SAMD5: variants seen among roughly 807,000 people sequenced by gnomAD.
The protein encoded by SAMD5 is sterile alpha motif domain containing 5, also known as sterile alpha motif domain-containing protein 5.
A neutral mutation model predicts 11.3 loss-of-function variants in SAMD5; 13 were observed. The ratio of observed to expected loss-of-function variants is 1.15; its 90% CI spans 0.75 to 1.83. SAMD5 has a LOEUF of 1.83. SAMD5 is among the 40% of genes most tolerant of loss of function. SAMD5 has a pLI of 0.00. For missense variants in SAMD5, 255 were observed against 239.1 expected (o/e 1.07, Z -0.44); for synonymous variants, 129 against 111.3 (o/e 1.16, Z -1.00).
chr6:147,812,944 T>A, the SAMD5 span, among the ~76,000 whole-genome samples: 1 of 152,250 alleles, frequency 6.6e-6, no homozygotes, highest in Non-Finnish European at 1.5e-5. Context: ...ATTAAAATGA[T>A]TGGCTTCACA....
At chr6:147,789,895 A>G in the SAMD5 span, among the ~76,000 whole-genome samples, 4 of 152,228 alleles carry the variant, frequency 2.6e-5, no homozygotes, top group African/African-American at 7.2e-5. Flanking sequence ...GGGTACCACA[A>G]CACATCTATT....
At chr6:147,780,300 T>G in the SAMD5 span, among the ~76,000 whole-genome samples, 1 of 152,034 alleles carries the variant, frequency 6.6e-6, no homozygotes, top group Non-Finnish European at 1.5e-5. Context: ...GTCTGCCTCC[T>G]GAGTTCAAGC....
At chr6:147,625,354 A>G (rs1044461732) in intron 1 of SAMD5, among the ~76,000 whole-genome samples, 1 of 152,174 alleles carries the variant, frequency 6.6e-6, no homozygotes, top group Non-Finnish European at 1.5e-5. Context: ...GGAGGGACTC[A>G]TGTTTCATTT....
intron 1 of SAMD5, among the ~76,000 whole-genome samples, chr6:147,626,791 G>GGAAAAAAAAAAAAAA (rs1491388774): frequency 1.8e-5 from 1 of 54,718 alleles, no homozygotes; most frequent in African/African-American, 5.4e-5. Context: ...CTGTTTCTAT[G>GGAAAAAAAAAAAAAA]AAAAAAAAAA....
At chr6:147,750,026 C>T in the SAMD5 span, among the ~76,000 whole-genome samples, 1 of 152,124 alleles carries the variant, frequency 6.6e-6, no homozygotes, top group South Asian at 2.1e-4. Flanking sequence ...CCTCATGAGC[C>T]AGAAACTGGT....
the SAMD5 span, among the ~76,000 whole-genome samples, chr6:147,854,824 T>C: frequency 6.6e-6 from 1 of 152,308 alleles, no homozygotes; most frequent in South Asian, 2.1e-4. Context: ...TAGTATTTAC[T>C]CAACAGATTT....
At chr6:147,760,457 C>A in the SAMD5 span, among the ~76,000 whole-genome samples, 1 of 151,990 alleles carries the variant, frequency 6.6e-6, no homozygotes, top group Non-Finnish European at 1.5e-5. Flanking sequence ...ACAAATTCAG[C>A]AAACCAACTT....
chr6:147,940,720 T>C, the SAMD5 span, among the ~76,000 whole-genome samples: 87 of 152,256 alleles, frequency 5.7e-4, no homozygotes, highest in African/African-American at 1.6e-3. Context: ...CCCAGTACTT[T>C]GGGAGGCCAA....
chr6:147,620,285 G>A (rs1433200081), intron 1 of SAMD5, among the ~76,000 whole-genome samples: 1 of 152,120 alleles, frequency 6.6e-6, no homozygotes, highest in Non-Finnish European at 1.5e-5. Context: ...CCATCCATGG[G>A]ATGATTCTTG....
At chr6:147,685,103 T>G (rs571547536) in intron 1 of SAMD5, among the ~76,000 whole-genome samples, 1 of 152,360 alleles carries the variant, frequency 6.6e-6, no homozygotes, top group Non-Finnish European at 1.5e-5. Flanking sequence ...ATTGTCATAC[T>G]CCTTTCTAAG....
At chr6:147,904,442 T>A in the SAMD5 span, among the ~76,000 whole-genome samples, 83 of 152,332 alleles carry the variant, frequency 5.4e-4, no homozygotes, top group African/African-American at 1.8e-3. Flanking sequence ...ACGAACTTCA[T>A]GGAACACAGC....
chr6:147,623,956 G>A (rs1243478513), intron 1 of SAMD5, among the ~76,000 whole-genome samples: 2 of 152,022 alleles, frequency 1.3e-5, no homozygotes, highest in African/African-American at 4.8e-5. Flanking sequence ...TGCAACCTCT[G>A]CCTCCCAGGT....
intron 1 of SAMD5, among the ~76,000 whole-genome samples, chr6:147,522,982 G>C (rs1788277278): frequency 6.6e-6 from 1 of 152,176 alleles, no homozygotes; most frequent in South Asian, 2.1e-4. Flanking sequence ...TCACAGTAAA[G>C]AGGGGCTTTT....
Position 147,711,345 on chromosome 6 carries a change from T to C in SAMD5, c.163-25972T>C, listed in dbSNP as rs186231114. ...TGCCTGATCCCCCAACCTGACCCTGTGCTCCCTGTCCCATTTCTAGCCATA... is the reference window on the plus strand; with the variant it reads ...TGCCTGATCCCCCAACCTGACCCTGCGCTCCCTGTCCCATTTCTAGCCATA... On this transcript the variant is annotated intron_variant, in intron 1 of 1. Transcript: ENST00000566741. The surrounding 1 kb of genome is among the most constrained non-coding windows in gnomAD (Gnocchi z 4.1). Among the ~76,000 whole-genome samples, 665 of 152,264 alleles carry C rather than the reference T, an allele frequency of 4.4e-3. 2 individuals are homozygous for C. Among genetic ancestry groups the C allele is most frequent in the Non-Finnish European group, 7.5e-3 (510 of 68,012 alleles).
chr6:147,509,189 C>T lies in SAMD5; in HGVS notation c.261C>T (p.Ala87=). Reference sequence around the variant, plus strand: ...AGCCGGCGCCCCCCGGGCCGCCCGCCGACGCCGTCCCCACCGGCCGCCGGG... The same window carrying T: ...AGCCGGCGCCCCCCGGGCCGCCCGCTGACGCCGTCCCCACCGGCCGCCGGG... ...EPQPAPPGPP[A]DAVPTGRRGE... The change falls in exon 1 of 2, where the codon GCC becomes GCT. Residue 87 remains alanine (A), a synonymous_variant. Transcript: ENST00000367474. 2 of 1,284,354 alleles carry T rather than the reference C, an allele frequency of 1.6e-6. No individual in the cohort carries two copies. Among genetic ancestry groups the T allele is most frequent in the Non-Finnish European group, 2.0e-6 (2 of 1,018,064 alleles). The allele number at this position is 1,284,354 out of a possible 1,614,324, so 79.6% of individuals were successfully genotyped here.
chr6:147,553,625 A>C (rs963344449), intron 1 of SAMD5, among the ~76,000 whole-genome samples: 1 of 152,186 alleles, frequency 6.6e-6, no homozygotes, highest in African/African-American at 2.4e-5. Flanking sequence ...TTGTCACTGC[A>C]TAACACCCAG....
intron 1 of SAMD5, among the ~76,000 whole-genome samples, chr6:147,676,572 C>T (rs1365762566): frequency 6.6e-6 from 1 of 152,046 alleles, no homozygotes; most frequent in Non-Finnish European, 1.5e-5. Flanking sequence ...GTGAATTCAA[C>T]GAGGGTAGGG....
At chr6:147,892,852 AT>A in the SAMD5 span, among the ~76,000 whole-genome samples, 4 of 152,194 alleles carry the variant, frequency 2.6e-5, no homozygotes, top group South Asian at 4.1e-4. Context: ...TTTAAAAAAA[AT>A]AATTGTAACT....
intron 1 of SAMD5, among the ~76,000 whole-genome samples, chr6:147,685,720 T>A (rs1791001139): frequency 6.6e-6 from 1 of 152,216 alleles, no homozygotes; most frequent in Non-Finnish European, 1.5e-5. Context: ...TCTCTTCTTT[T>A]TTTTGACCAA....
Sources: gnomAD v4.1 joint callset for allele counts (sites outside exome capture counted in the v4.1 genomes callset) on GRCh38, gnomAD v4.1.1 for gene constraint, Gnocchi (gnomAD v3.1) non-coding constraint, MANE v1.5 for transcripts, NCBI Gene and HGNC (gene_info 2026-07-23, HGNC 2026-07-21) for gene names.